The following CPEB2 variants were observed in gnomAD, a reference collection of about 807,000 sequenced individuals.
The protein encoded by CPEB2 is cytoplasmic polyadenylation element-binding protein 2.
CPEB2 carries 56 observed loss-of-function variants against 93.6 expected under a neutral mutation model. That is an observed-to-expected ratio of 0.60 (90% CI 0.48 to 0.75). CPEB2 has a LOEUF of 0.75. Ranked by LOEUF, CPEB2 falls within the 30% of genes least tolerant of loss-of-function variation. CPEB2 has a pLI of 0.00. For missense variants in CPEB2, 1,579 were observed against 1,395.1 expected (o/e 1.13, Z -2.10); for synonymous variants, 764 against 586.3 (o/e 1.30, Z -4.38).
chr4:15,030,183 A>G (rs951764425), intron 4 of CPEB2, among the ~76,000 whole-genome samples: 4 of 152,002 alleles, frequency 2.6e-5, no homozygotes, highest in Admixed American at 1.3e-4. Context: ...TTCTATATTA[A>G]ATCTTAAATT....
chr4:15,002,749 G>A lies in CPEB2; in HGVS notation c.76G>A (p.Glu26Lys), dbSNP rs999540504. 2.0e-6 allele frequency: 3 copies of A among 1,535,212 alleles called. No homozygotes were observed. The highest frequency in any genetic ancestry group is 2.0e-5 in the Admixed American group (1 of 50,964). The change falls in exon 1 of 12, where the codon GAG (glutamate) becomes AAG (lysine). Residue 26 changes from glutamate (E) to lysine (K), a missense_variant. By Grantham distance (56) the Glu-to-Lys change is moderately conservative. Coordinates refer to ENST00000538197, the MANE Select transcript of CPEB2 (RefSeq NM_001177382.2). ...CAGTCCTGGGCCCCTGTTCTGCGGC[G>A]AGGCGTATGGTCCTTACGCCGTGGG... ...SSSPGPLFCG[E>K]AYGPYAVGSV...
At chr4:15,048,755 T>A (rs1181670166) in intron 6 of CPEB2, among the ~76,000 whole-genome samples, 1 of 152,118 alleles carries the variant, frequency 6.6e-6, no homozygotes, top group Non-Finnish European at 1.5e-5. Flanking sequence ...ATTTGTTGTG[T>A]TTCATTATCA....
chr4:15,059,074 A>C, intron 9 of CPEB2, 113 bp from the exon 10 acceptor site: 1 of 565,374 alleles, frequency 1.8e-6, no homozygotes, highest in Non-Finnish European at 3.1e-6. Flanking sequence ...TCCAGATCCC[A>C]CTATACAAAT....
intron 6 of CPEB2, among the ~76,000 whole-genome samples, chr4:15,045,575 T>A (rs1371173105): frequency 6.6e-6 from 1 of 152,102 alleles, no homozygotes; most frequent in Non-Finnish European, 1.5e-5. Flanking sequence ...CAAGTGATAA[T>A]TTCTAAAATC....
At chr4:15,034,522 A>T (rs1177071867) in intron 5 of CPEB2, among the ~76,000 whole-genome samples, 1 of 152,166 alleles carries the variant, frequency 6.6e-6, no homozygotes, top group Non-Finnish European at 1.5e-5. Flanking sequence ...TTATGTGAGT[A>T]GTCTTAGTAG....
intron 4 of CPEB2, among the ~76,000 whole-genome samples, chr4:15,028,977 G>T (rs1725782663): frequency 6.6e-6 from 1 of 151,930 alleles, no homozygotes; most frequent in South Asian, 2.1e-4. Flanking sequence ...TTTTTATACA[G>T]TTGTCACTTG....
intron 1 of CPEB2, 88 bp from the exon 2 acceptor site, chr4:15,007,217 A>G (rs1403390801): frequency 8.9e-7 from 1 of 1,123,696 alleles, no homozygotes; most frequent in Non-Finnish European, 1.2e-6. Flanking sequence ...TATTTCATTC[A>G]TATAAATTCT....
In CPEB2 at chr4:15,008,218, T is replaced by C; in HGVS notation, c.1945-120T>C. ...TTGTTTTGTTTTTTTCTTAAACCTT[T>C]AGAGGATGGAATGAGGATTTAAGAT... On this transcript the variant is annotated intron_variant, in intron 2 of 11. Coordinates refer to ENST00000538197, the MANE Select transcript of CPEB2 (RefSeq NM_001177382.2). The C allele has an allele frequency of 6.5e-6, 4 of 614,700 alleles. No homozygotes were observed. In the South Asian group the frequency reaches 1.0e-4, roughly 16 times the overall value. The allele number at this position is 614,700 out of a possible 1,614,324, so 38.1% of individuals were successfully genotyped here. A position where few individuals can be genotyped will look rare whatever the true frequency, so the allele number is the denominator to read the frequency against.
rs1198305666 is a variant in CPEB2 at position 15,003,385 on chromosome 4, C to T, written c.712C>T (p.Leu238Phe). 8 of 1,378,752 alleles carry T rather than the reference C, an allele frequency of 5.8e-6. No homozygotes were observed. The highest frequency in any genetic ancestry group is 4.0e-4 in the Middle Eastern group (2 of 5,010). The allele number at this position is 1,378,752 out of a possible 1,614,324, so 85.4% of individuals were successfully genotyped here. A position where few individuals can be genotyped will look rare whatever the true frequency, so the allele number is the denominator to read the frequency against. Residue 238 changes from leucine (L) to phenylalanine (F), a missense_variant, in exon 1 of 12, where the codon CTC (leucine) becomes TTC (phenylalanine). Around this residue, in one of 2 missense-constraint regions of CPEB2, gnomAD observed 1,411 missense variants for 1,056.0 expected, o/e 1.34. Transcript: ENST00000538197. ...GCAACAGCCGCCGCAGCAGTTCAGC[C>T]TCCTGCATCAGCAGCACCTCTCGCC... ...QQQQPPQQFS[L>F]LHQQHLSPQD...
intron 4 of CPEB2, among the ~76,000 whole-genome samples, chr4:15,031,640 A>T (rs1411714112): frequency 6.6e-6 from 1 of 152,218 alleles, no homozygotes; most frequent in Non-Finnish European, 1.5e-5. Flanking sequence ...AATCCTTTTG[A>T]TAACACTTAT....
At chr4:15,037,315 A>C (rs1463747623) in intron 5 of CPEB2, among the ~76,000 whole-genome samples, 1 of 152,152 alleles carries the variant, frequency 6.6e-6, no homozygotes, top group Non-Finnish European at 1.5e-5. Context: ...CGCCTCAAAA[A>C]AAAAAAAGAC....
At chr4:15,024,155 T>G (rs1725156749) in intron 4 of CPEB2, among the ~76,000 whole-genome samples, 1 of 151,862 alleles carries the variant, frequency 6.6e-6, no homozygotes, top group Admixed American at 6.6e-5. Context: ...ATCCAGATTG[T>G]TTTTTTTCAT....
chr4:15,040,572 A>G, intron 6 of CPEB2, 85 bp downstream of exon 6: 1 of 1,226,058 alleles, frequency 8.2e-7, no homozygotes, highest in Non-Finnish European at 1.1e-6. Flanking sequence ...TAGATTTTTC[A>G]TGCAATATCT....
At chr4:15,044,346 C>T (rs1429582921) in intron 6 of CPEB2, among the ~76,000 whole-genome samples, 1 of 152,092 alleles carries the variant, frequency 6.6e-6, no homozygotes, top group Non-Finnish European at 1.5e-5. Flanking sequence ...TTAATACTGA[C>T]CCTTTAAAGA....
intron 11 of CPEB2, among the ~76,000 whole-genome samples, chr4:15,065,763 C>T (rs1051731219): frequency 1.3e-5 from 2 of 152,024 alleles, no homozygotes; most frequent in Non-Finnish European, 2.9e-5. Flanking sequence ...AGTGGAGAGG[C>T]GCCGCCTTAA....
chr4:15,008,583 C>G (rs1723104449), intron 3 of CPEB2, among the ~76,000 whole-genome samples, 156 bp downstream of exon 3: 1 of 152,088 alleles, frequency 6.6e-6, no homozygotes, highest in Non-Finnish European at 1.5e-5. Flanking sequence ...CTGCTTTGAA[C>G]TATTTAATGT....
chr4:15,043,671 G>A (rs1341133696), intron 6 of CPEB2, among the ~76,000 whole-genome samples: 1 of 151,882 alleles, frequency 6.6e-6, no homozygotes, highest in Non-Finnish European at 1.5e-5. Flanking sequence ...GGATTAAAGG[G>A]CTACTGTGTT....
At chr4:15,048,391 A>AT (rs1037232611) in intron 6 of CPEB2, among the ~76,000 whole-genome samples, 10 of 150,390 alleles carry the variant, frequency 6.6e-5, no homozygotes, top group South Asian at 4.2e-4. Flanking sequence ...TATGACTTTC[A>AT]TTTTTTTTTA....
intron 3 of CPEB2, among the ~76,000 whole-genome samples, chr4:15,014,701 T>TA (rs1420733986): frequency 6.6e-6 from 1 of 152,010 alleles, no homozygotes; most frequent in Non-Finnish European, 1.5e-5. Context: ...GTTTTTATGG[T>TA]AGAGATAAAG....
Sources: gnomAD v4.1 joint callset for allele counts (sites outside exome capture counted in the v4.1 genomes callset) on GRCh38, gnomAD v4.1.1 for gene constraint, gnomAD v4.1.1 regional missense constraint, MANE v1.5 for transcripts, NCBI Gene and HGNC (gene_info 2026-07-23, HGNC 2026-07-21) for gene names.